Variants in SKAP1 observed in about 807,000 individuals in gnomAD.
SKAP1 encodes src kinase-associated phosphoprotein 1.
SKAP1 carries 44 observed loss-of-function variants against 58.5 expected under a neutral mutation model. The observed-to-expected ratio is 0.75, with a 90% confidence interval of 0.59 to 0.97. The LOEUF (loss-of-function observed/expected upper bound fraction) is 0.97, where lower values mean the gene tolerates loss of function less well. Ranked by LOEUF, SKAP1 falls within the 50% of genes least tolerant of loss-of-function variation. SKAP1 has a pLI of 0.00. For missense variants in SKAP1, 390 were observed against 435.2 expected, an observed-to-expected ratio of 0.90 and a Z score of 0.92; for synonymous variants, 127 against 149.7, an observed-to-expected ratio of 0.85 and a Z score of 1.11.
intron 4 of SKAP1, among the ~76,000 whole-genome samples, chr17:48,194,423 T>TA (rs2064596255): frequency 6.6e-6 from 1 of 152,130 alleles, no homozygotes; most frequent in African/African-American, 2.4e-5. Context: ...TGGAGTGTGA[T>TA]ACATTTCCAT....
chr17:48,428,546 T>C (rs1407421329), intron 1 of SKAP1, among the ~76,000 whole-genome samples: 1 of 152,172 alleles, frequency 6.6e-6, no homozygotes, highest in Admixed American at 6.5e-5. Flanking sequence ...ATGGATTTCA[T>C]TGCAAGCCTC....
At chr17:48,315,731 A>G (rs186402311) in intron 4 of SKAP1, among the ~76,000 whole-genome samples, 19 of 152,334 alleles carry the variant, frequency 1.2e-4, no homozygotes, top group Non-Finnish European at 2.4e-4. Context: ...GAGCACTGAT[A>G]TGGTGCCACA....
intron 11 of SKAP1, among the ~76,000 whole-genome samples, chr17:48,149,791 C>A (rs988010384): frequency 2.0e-5 from 3 of 152,182 alleles, no homozygotes; most frequent in Non-Finnish European, 4.4e-5. Flanking sequence ...AGATATTTAA[C>A]TCCTTTTTCT....
intron 2 of SKAP1, among the ~76,000 whole-genome samples, chr17:48,381,949 A>G (rs7210852): frequency 0.015 from 2,228 of 152,310 alleles, 40 homozygotes; most frequent in African/African-American, 0.047. Flanking sequence ...GTTGAGCCTC[A>G]ATAAGAGTGC....
chr17:48,359,752 C>T (rs900281868), intron 3 of SKAP1, among the ~76,000 whole-genome samples: 5 of 152,032 alleles, frequency 3.3e-5, no homozygotes, highest in Middle Eastern at 3.4e-3. Context: ...GACTACAGGC[C>T]TGTGCCACCA....
chr17:48,240,784 A>G (rs922489862), intron 4 of SKAP1, among the ~76,000 whole-genome samples: 3 of 152,214 alleles, frequency 2.0e-5, no homozygotes, highest in Non-Finnish European at 4.4e-5. Flanking sequence ...TAAACCTGAA[A>G]GTGCTGCCTG....
rs1357242299 is a variant in SKAP1, at chr17:48,267,531, A to G, written c.281-78031T>C. Among the ~76,000 whole-genome samples the G allele has an allele frequency of 4.6e-5, 7 of 152,202 alleles. No homozygotes were observed. The East Asian group carries it at 9.6e-4, about 21-fold the overall frequency. The stretch of plus-strand genomic sequence containing the variant: ...ATAGATACTCTATACACAAGTCCTT[A>G]AGGTCAACACCCAAATTATTGCCCT... On this transcript the variant is annotated intron_variant, in intron 4 of 12. Coordinates refer to ENST00000336915, the MANE Select transcript of SKAP1 (RefSeq NM_003726.4).
At chr17:48,274,697 A>AAC (rs2065677621) in intron 4 of SKAP1, among the ~76,000 whole-genome samples, 1 of 58,532 alleles carries the variant, frequency 1.7e-5, no homozygotes, top group African/African-American at 5.3e-5. Context: ...ACTCCTTCTC[A>AAC]AAAAAAAAAA....
At chr17:48,439,862 A>G in the SKAP1 span, among the ~76,000 whole-genome samples, 2 of 152,158 alleles carry the variant, frequency 1.3e-5, no homozygotes, top group South Asian at 4.2e-4. Flanking sequence ...TATTCTGACA[A>G]TGTTGGGGCC....
intron 4 of SKAP1, among the ~76,000 whole-genome samples, chr17:48,281,460 C>T (rs1182530226): frequency 6.6e-6 from 1 of 152,220 alleles, no homozygotes; most frequent in Non-Finnish European, 1.5e-5. Flanking sequence ...CAAGTGGAGA[C>T]TGCCTGATCG....
At chr17:48,297,427 T>C (rs2144109779) in intron 4 of SKAP1, among the ~76,000 whole-genome samples, 1 of 152,306 alleles carries the variant, frequency 6.6e-6, no homozygotes, top group East Asian at 1.9e-4. Context: ...CTTATAACCT[T>C]ATAAATAGTT....
chr17:48,255,069 G>T (rs996876120), intron 4 of SKAP1, among the ~76,000 whole-genome samples: 1 of 152,082 alleles, frequency 6.6e-6, no homozygotes, highest in Non-Finnish European at 1.5e-5. Flanking sequence ...TTCAAATGCT[G>T]AACGTCATCA....
upstream of SKAP1, among the ~76,000 whole-genome samples, chr17:48,432,042 A>G (rs1201681459): frequency 6.6e-6 from 1 of 152,132 alleles, no homozygotes; most frequent in Non-Finnish European, 1.5e-5. Context: ...ACCCACCTAC[A>G]AGCTGCAGTA....
intron 4 of SKAP1, among the ~76,000 whole-genome samples, chr17:48,315,590 C>T (rs551274554): frequency 3.9e-5 from 6 of 152,254 alleles, no homozygotes; most frequent in East Asian, 1.9e-4. Flanking sequence ...ACTGTGTATA[C>T]TTACAGATCT....
intron 1 of SKAP1, among the ~76,000 whole-genome samples, chr17:48,410,950 A>G (rs1177604505): frequency 1.3e-5 from 2 of 150,880 alleles, no homozygotes; most frequent in African/African-American, 2.4e-5. Flanking sequence ...AAAAAAAAAA[A>G]AAAAAAAGAA....
chr17:48,197,454 T>C (rs2064652042), intron 4 of SKAP1, among the ~76,000 whole-genome samples: 1 of 152,018 alleles, frequency 6.6e-6, no homozygotes, highest in African/African-American at 2.4e-5. Flanking sequence ...TTTGGGAGGC[T>C]GAGGCAGGCA....
At chr17:48,173,607 T>C (rs1455333091) in intron 9 of SKAP1, among the ~76,000 whole-genome samples, 1 of 152,238 alleles carries the variant, frequency 6.6e-6, no homozygotes, top group Non-Finnish European at 1.5e-5. Flanking sequence ...AGCTCTTTTG[T>C]TGATATCAAA....
At chr17:48,342,946 C>CT (rs1328068248) in intron 4 of SKAP1, among the ~76,000 whole-genome samples, 2 of 152,130 alleles carry the variant, frequency 1.3e-5, no homozygotes, top group Non-Finnish European at 2.9e-5. Flanking sequence ...GATCCCACCA[C>CT]TGCACTCTAG....
chr17:48,196,987 G>T (rs887826319), intron 4 of SKAP1, among the ~76,000 whole-genome samples: 3 of 152,220 alleles, frequency 2.0e-5, no homozygotes, highest in Non-Finnish European at 4.4e-5. Context: ...GGCTGGGCGT[G>T]GTGGCCCACG....
Sources: gnomAD v4.1 joint callset for allele counts (sites outside exome capture counted in the v4.1 genomes callset) on GRCh38, gnomAD v4.1.1 for gene constraint, MANE v1.5 for transcripts, NCBI Gene and HGNC (gene_info 2026-07-23, HGNC 2026-07-21) for gene names.